The following RAPGEF5 variants were observed in gnomAD, a reference collection of about 807,000 sequenced individuals.
RAPGEF5 encodes M-Ras-regulated GEF.
Under a neutral mutation model 125.2 loss-of-function variants are expected in RAPGEF5, and 65 were observed. That is an observed-to-expected ratio of 0.52 (90% CI 0.43 to 0.64). The LOEUF is 0.64. Ranked by LOEUF, RAPGEF5 falls within the 30% of genes least tolerant of loss-of-function variation. The pLI, the probability that RAPGEF5 is intolerant of heterozygous loss-of-function variation, is 0.00. For missense variants in RAPGEF5, 958 were observed against 1,048.1 expected, an observed-to-expected ratio of 0.91 and a Z score of 1.19; for synonymous variants, 391 against 385.9, an observed-to-expected ratio of 1.01 and a Z score of -0.16.
At chr7:22,265,817 C>T (rs183972845) in intron 7 of RAPGEF5, among the ~76,000 whole-genome samples, 5 of 152,254 alleles carry the variant, frequency 3.3e-5, no homozygotes, top group Admixed American at 6.5e-5. Context: ...ATTTGCATTT[C>T]CCTCCTGCAA....
intron 1 of RAPGEF5, among the ~76,000 whole-genome samples, chr7:22,332,414 A>G (rs977940275): frequency 1.3e-5 from 2 of 152,240 alleles, no homozygotes; most frequent in Non-Finnish European, 2.9e-5. Flanking sequence ...TTATTTTTAC[A>G]TATGTACTTA....
chr7:22,119,094 C>T lies in RAPGEF5; in HGVS notation c.*3312G>A, dbSNP rs551982835. 3 of 152,314 alleles carry T rather than the reference C, an allele frequency of 2.0e-5. No homozygotes were observed. In the East Asian group the frequency reaches 5.8e-4, roughly 29 times the overall value. The allele number at this position is 152,314 out of a possible 1,614,324, so 9.4% of individuals were successfully genotyped here. On this transcript the variant is annotated 3_prime_UTR_variant, in exon 26 of 26. Transcript: ENST00000665637. The surrounding 1 kb of genome is among the most constrained non-coding windows in gnomAD (Gnocchi z 4.1). ...CTGCGCCATTTAGGAACATTCAGTT[C>T]CGGATCTGCGGTGTCTGTGCTGGCT...
At chr7:22,200,750 A>G (rs1470838715) in intron 9 of RAPGEF5, among the ~76,000 whole-genome samples, 1 of 152,216 alleles carries the variant, frequency 6.6e-6, no homozygotes, top group Non-Finnish European at 1.5e-5. Flanking sequence ...GCCTCTAAGA[A>G]TATCATCATA....
intron 1 of RAPGEF5, among the ~76,000 whole-genome samples, chr7:22,334,184 A>G (rs780665800): frequency 8.5e-5 from 13 of 152,252 alleles, no homozygotes; most frequent in Non-Finnish European, 1.6e-4. Context: ...CATTTGGGTT[A>G]GTCGTGGACC....
intron 11 of RAPGEF5, among the ~76,000 whole-genome samples, chr7:22,171,626 G>A (rs1784352342): frequency 6.6e-6 from 1 of 152,136 alleles, no homozygotes; most frequent in South Asian, 2.1e-4. Context: ...AGCCTCCTGA[G>A]TAGTTGGGAC....
intron 11 of RAPGEF5, among the ~76,000 whole-genome samples, chr7:22,185,818 T>C (rs1247146639): frequency 6.6e-6 from 1 of 152,158 alleles, no homozygotes; most frequent in Non-Finnish European, 1.5e-5. Context: ...AGTCTCTCAC[T>C]GATTTTTTTT....
At chr7:22,132,845 T>C (rs1017600985) in intron 23 of RAPGEF5, among the ~76,000 whole-genome samples, 2 of 152,180 alleles carry the variant, frequency 1.3e-5, no homozygotes, top group Non-Finnish European at 2.9e-5. Context: ...AGGTAAATTC[T>C]AGGAGGTAAG....
intron 8 of RAPGEF5, 25 bp from the exon 9 acceptor site, chr7:22,220,016 G>T: frequency 6.2e-7 from 1 of 1,612,296 alleles, no homozygotes; most frequent in Non-Finnish European, 8.5e-7. Context: ...AAAAAGCGAA[G>T]ATATACTTAA....
At chr7:22,140,217 A>C in intron 20 of RAPGEF5, 102 bp from the exon 21 acceptor site, 5 of 1,057,196 alleles carry the variant, frequency 4.7e-6, no homozygotes, top group Non-Finnish European at 5.6e-6. Flanking sequence ...CACAGAGCTC[A>C]GGAATTCTGC....
chr7:22,287,699 A>T (rs1701902537), intron 6 of RAPGEF5, among the ~76,000 whole-genome samples: 1 of 152,180 alleles, frequency 6.6e-6, no homozygotes, highest in Non-Finnish European at 1.5e-5. Flanking sequence ...ATAGGTAAAT[A>T]TCTTTCTGCA....
At chr7:22,261,765 A>AT (rs1414851137) in intron 7 of RAPGEF5, among the ~76,000 whole-genome samples, 1 of 152,218 alleles carries the variant, frequency 6.6e-6, no homozygotes, top group Non-Finnish European at 1.5e-5. Flanking sequence ...TCCCATACAA[A>AT]TACGCCCACA....
chr7:22,357,049 G>C lies in RAPGEF5; in HGVS notation c.12C>G (p.Ala4=), dbSNP rs201846781. The change falls in exon 1 of 26, where the codon GCC becomes GCG. Residue 4 remains alanine (A), a synonymous_variant. Transcript: ENST00000665637. The part of the protein sequence containing the change: MRM[A]VGSVKMQPPC... ...GCGGCTGCATCTTGACGGAGCCCAC[G>C]GCCATCCTCATGCCCTGACGGCGCT... The C allele has an allele frequency of 5.8e-6, 6 of 1,038,008 alleles. No individual in the cohort carries two copies. The East Asian group carries it at 4.9e-4, about 84-fold the overall frequency. 64.3% of individuals were successfully genotyped at this position (1,038,008 alleles called of 1,614,324 possible). A position where few individuals can be genotyped will look rare whatever the true frequency, so the allele number is the denominator to read the frequency against.
At chr7:22,285,607 A>G (rs1467401822) in intron 6 of RAPGEF5, among the ~76,000 whole-genome samples, 1 of 152,238 alleles carries the variant, frequency 6.6e-6, no homozygotes, top group Admixed American at 6.5e-5. Flanking sequence ...AGAGTCACCA[A>G]GAAGGACAAA....
intron 24 of RAPGEF5, 139 bp from the exon 25 acceptor site, chr7:22,125,797 A>G (rs1472251334): frequency 6.2e-5 from 49 of 791,730 alleles, no homozygotes; most frequent in Non-Finnish European, 1.0e-4. Flanking sequence ...AGCTGGATGT[A>G]GCTTTGATTC....
chr7:22,146,983 A>C lies in RAPGEF5; in HGVS notation c.1921T>G (p.Ser641Ala). Residue 641 changes from serine (S) to alanine (A), a missense_variant, in exon 19 of 26, where the codon TCG becomes GCG. Coordinates refer to ENST00000665637, the MANE Select transcript of RAPGEF5 (RefSeq NM_012294.5). Reference protein sequence around the residue: ...FAENEESQQRSMRILGMNTWD... With the variant: ...FAENEESQQRAMRILGMNTWD... ...GTGTTCATTCCCAAAATCCTCATCG[A>C]CCTTTGCTGTGATTCCTCATTTTCT... 1 of 1,613,524 alleles carries C rather than the reference A, an allele frequency of 6.2e-7. No individual in the cohort carries two copies. The highest frequency in any genetic ancestry group is 8.5e-7 in the Non-Finnish European group (1 of 1,179,738).
At position 22,160,634 on chromosome 7, in the gene RAPGEF5, T is replaced by C. The variant is rs1276436871; in HGVS notation, c.1429-19A>G. ...ATATGGTCTGGAGAAAAAAGACAAA[T>C]GAGAGCTCAGTGGTTGAATGCCCAT... On this transcript the variant is annotated intron_variant, in intron 13 of 25. Transcript: ENST00000665637. The C allele has an allele frequency of 2.0e-6, 3 of 1,522,246 alleles. No individual in the cohort carries two copies. Among genetic ancestry groups the C allele is most frequent in the Non-Finnish European group, 2.6e-6 (3 of 1,139,356 alleles). 94.3% of individuals were successfully genotyped at this position (1,522,246 alleles called of 1,614,324 possible). A position where few individuals can be genotyped will look rare whatever the true frequency, so the allele number is the denominator to read the frequency against.
At position 22,282,336 on chromosome 7, in the gene RAPGEF5, T is replaced by A. The variant is rs534139298; in HGVS notation, c.747+8839A>T. On this transcript the variant is annotated intron_variant, in intron 6 of 25. Transcript: ENST00000665637. The stretch of plus-strand genomic sequence containing the variant: ...CTGAATAAACTTCTAAACTGCTAAA[T>A]CATTTAGCCATGTTTACCACTATTT... 4.0e-4 allele frequency among the ~76,000 whole-genome samples: 61 copies of A among 152,304 alleles called. No individual in the cohort carries two copies. The South Asian group carries it at 0.012, about 29-fold the overall frequency.
At chr7:22,144,150 T>C (rs1406771412) in intron 20 of RAPGEF5, among the ~76,000 whole-genome samples, 1 of 152,200 alleles carries the variant, frequency 6.6e-6, no homozygotes, top group Non-Finnish European at 1.5e-5. Context: ...GAGATGCTCC[T>C]AGCAAGTTAC....
chr7:22,331,615 G>A (rs190373900), intron 1 of RAPGEF5, among the ~76,000 whole-genome samples: 43 of 152,088 alleles, frequency 2.8e-4, no homozygotes, highest in African/African-American at 9.9e-4. Context: ...CGTGGTGGTG[G>A]GCGCCCGTAG....
Sources: gnomAD v4.1 joint callset for allele counts (sites outside exome capture counted in the v4.1 genomes callset) on GRCh38, gnomAD v4.1.1 for gene constraint, Gnocchi (gnomAD v3.1) non-coding constraint, MANE v1.5 for transcripts, NCBI Gene and HGNC (gene_info 2026-07-23, HGNC 2026-07-21) for gene names.